Variants in TFPI observed in about 807,000 individuals in gnomAD.
TFPI encodes the protein tissue factor pathway inhibitor.
TFPI carries 15 observed loss-of-function variants against 34.6 expected under a neutral mutation model. The ratio of observed to expected loss-of-function variants is 0.43; its 90% CI spans 0.29 to 0.67. TFPI has a LOEUF of 0.67. Ranked by LOEUF, TFPI falls within the 30% of genes least tolerant of loss-of-function variation. TFPI has a pLI of 0.15. For missense variants in TFPI, 301 were observed against 364.0 expected (o/e 0.83, Z 1.41); for synonymous variants, 105 against 120.1 (o/e 0.87, Z 0.82).
chr2:187,523,405 C>T (rs1436504510), intron 1 of TFPI, among the ~76,000 whole-genome samples: 2 of 152,058 alleles, frequency 1.3e-5, no homozygotes, highest in Non-Finnish European at 2.9e-5. Flanking sequence ...AGGGCAGTGT[C>T]TGTGTGCAGT....
chr2:187,496,746 A>G (rs1685509137), intron 3 of TFPI, 135 bp downstream of exon 3: 1 of 816,498 alleles, frequency 1.2e-6, no homozygotes, highest in Admixed American at 3.1e-5. Context: ...CTGAAAGTCT[A>G]AAAATGTGGA....
chr2:187,550,483 G>C (rs1281896705), intron 1 of TFPI, among the ~76,000 whole-genome samples: 1 of 151,942 alleles, frequency 6.6e-6, no homozygotes, highest in African/African-American at 2.4e-5. Context: ...TCCCAGAAGA[G>C]AGCTCAAGGA....
intron 1 of TFPI, among the ~76,000 whole-genome samples, chr2:187,504,126 A>G (rs1308221303): frequency 6.6e-6 from 1 of 152,152 alleles, no homozygotes; most frequent in Non-Finnish European, 1.5e-5. Context: ...TACTTTCCAC[A>G]TCTTTCGCAC....
chr2:187,524,875 G>A (rs947756435), intron 1 of TFPI, among the ~76,000 whole-genome samples: 1 of 152,014 alleles, frequency 6.6e-6, no homozygotes, highest in African/African-American at 2.4e-5. Context: ...AGATAAGAAT[G>A]ATTGCTGAAA....
intron 6 of TFPI, among the ~76,000 whole-genome samples, chr2:187,474,424 AAAAT>A: frequency 6.6e-6 from 1 of 152,290 alleles, no homozygotes. Flanking sequence ...ACAAGGCTGG[AAAAT>A]TACATTTAGG....
chr2:187,487,037 T>C (rs1242710458), intron 4 of TFPI, among the ~76,000 whole-genome samples: 1 of 151,592 alleles, frequency 6.6e-6, no homozygotes, highest in Non-Finnish European at 1.5e-5. Context: ...ATATATAATA[T>C]GAGATAAGAA....
intron 3 of TFPI, among the ~76,000 whole-genome samples, chr2:187,494,356 T>G (rs909605883): frequency 6.6e-6 from 1 of 152,172 alleles, no homozygotes; most frequent in Non-Finnish European, 1.5e-5. Flanking sequence ...AGCCATCTCC[T>G]CTTTTCAGAG....
intron 6 of TFPI, among the ~76,000 whole-genome samples, chr2:187,473,907 A>G (rs1371014472): frequency 6.6e-6 from 1 of 152,022 alleles, no homozygotes; most frequent in Non-Finnish European, 1.5e-5. Flanking sequence ...TAAAGAATAG[A>G]CTGAGTGAAA....
chr2:187,530,340 T>C (rs1361532275), intron 1 of TFPI, among the ~76,000 whole-genome samples: 1 of 152,158 alleles, frequency 6.6e-6, no homozygotes, highest in East Asian at 1.9e-4. Context: ...CACAATAAAA[T>C]TCGCATACTA....
At chr2:187,496,745 T>C in intron 3 of TFPI, 136 bp downstream of exon 3, 1 of 824,234 alleles carries the variant, frequency 1.2e-6, no homozygotes, top group Non-Finnish European at 1.8e-6. Flanking sequence ...CCTGAAAGTC[T>C]AAAAATGTGG....
At chr2:187,467,490 A>G (rs1384957987) in intron 7 of TFPI, among the ~76,000 whole-genome samples, 2 of 152,148 alleles carry the variant, frequency 1.3e-5, no homozygotes, top group African/African-American at 4.8e-5. Flanking sequence ...ATAGTCTTTT[A>G]AAGTGAATGC....
chr2:187,506,419 A>G (rs558441810), intron 1 of TFPI, among the ~76,000 whole-genome samples: 26 of 149,970 alleles, frequency 1.7e-4, no homozygotes, highest in Non-Finnish European at 3.1e-4. Context: ...CCCTATTAAC[A>G]TGTTACGTTA....
At chr2:187,502,552 G>A (rs1247834217) in intron 2 of TFPI, among the ~76,000 whole-genome samples, 2 of 152,078 alleles carry the variant, frequency 1.3e-5, no homozygotes, top group African/African-American at 4.8e-5. Context: ...GGTACATTAG[G>A]GTTTTTACTA....
At chr2:187,519,904 G>A (rs1459172060) in intron 1 of TFPI, 6 of 152,174 alleles carry the variant, frequency 3.9e-5, no homozygotes, top group Admixed American at 1.3e-4. Context: ...AGCTGTTGTG[G>A]GCTTCGCCCA....
chr2:187,533,304 A>C (rs563335560), intron 1 of TFPI, among the ~76,000 whole-genome samples: 1 of 152,274 alleles, frequency 6.6e-6, no homozygotes, highest in East Asian at 1.9e-4. Context: ...CAGACACCTC[A>C]TACAGGAGAG....
chr2:187,503,360 C>T (rs1438768006), intron 2 of TFPI, among the ~76,000 whole-genome samples: 4 of 151,688 alleles, frequency 2.6e-5, no homozygotes, highest in South Asian at 4.2e-4. Context: ...TGCAATAGCC[C>T]GGAGCTACTC....
intron 6 of TFPI, among the ~76,000 whole-genome samples, chr2:187,483,351 T>G (rs1432989724): frequency 6.6e-6 from 1 of 152,034 alleles, no homozygotes; most frequent in Non-Finnish European, 1.5e-5. Flanking sequence ...ATGCCAAGTT[T>G]ACCTTTGACA....
At chr2:187,469,450 G>A (rs567613784) in intron 6 of TFPI, among the ~76,000 whole-genome samples, 113 of 152,124 alleles carry the variant, frequency 7.4e-4, no homozygotes, top group African/African-American at 2.5e-3. Flanking sequence ...TCTCCTATGT[G>A]GGGATTATAG....
In TFPI at chr2:187,466,245, A is replaced by G. The variant is rs1691714952; in HGVS notation, c.*691T>C. 1 of 152,128 alleles carries G rather than the reference A, an allele frequency of 6.6e-6. No individual in the cohort carries two copies. The highest frequency in any genetic ancestry group is 2.4e-5 in the African/African-American group (1 of 41,442). The allele number at this position is 152,128 out of a possible 1,614,324, so 9.4% of individuals were successfully genotyped here. A position where few individuals can be genotyped will look rare whatever the true frequency, so the allele number is the denominator to read the frequency against. On this transcript the variant is annotated 3_prime_UTR_variant, in exon 8 of 8. Transcript: ENST00000233156. ...CCTTATCATGAGTTGTATTTAACACACAATTATTCAGTCATCTTGACTGAT... is the reference window on the plus strand; with the variant it reads ...CCTTATCATGAGTTGTATTTAACACGCAATTATTCAGTCATCTTGACTGAT...
Sources: allele counts gnomAD v4.1 joint callset (sites outside exome capture counted in the v4.1 genomes callset), GRCh38; gene constraint gnomAD v4.1.1; transcripts MANE v1.5; gene names NCBI Gene and HGNC (gene_info 2026-07-23, HGNC 2026-07-21).